The following GALNT17 variants were observed in gnomAD, a reference collection of about 807,000 sequenced individuals.
GALNT17 encodes the protein polypeptide N-acetylgalactosaminyltransferase 17.
GALNT17 carries 29 observed loss-of-function variants against 63.7 expected under a neutral mutation model. That is an observed-to-expected ratio of 0.46 (90% CI 0.34 to 0.62). GALNT17 has a LOEUF of 0.62. Ranked by LOEUF, GALNT17 falls within the 20% of genes least tolerant of loss-of-function variation. The probability of loss-of-function intolerance (pLI) is 0.01; values close to 1 mark genes in which losing one functional copy is unlikely to be tolerated. For missense variants in GALNT17, 603 were observed against 799.6 expected, an observed-to-expected ratio of 0.75 and a Z score of 2.97; for synonymous variants, 305 against 318.3, an observed-to-expected ratio of 0.96 and a Z score of 0.45.
At chr7:71,345,723 C>G (rs2116149675) in intron 2 of GALNT17, among the ~76,000 whole-genome samples, 1 of 152,234 alleles carries the variant, frequency 6.6e-6, no homozygotes, top group Middle Eastern at 3.4e-3. Context: ...TGGAGCAAAT[C>G]TACTCATGGC....
intron 1 of GALNT17, among the ~76,000 whole-genome samples, chr7:71,147,030 A>G (rs921111472): frequency 2.0e-5 from 3 of 152,152 alleles, no homozygotes; most frequent in Non-Finnish European, 2.9e-5. Context: ...CTGGTGAAAG[A>G]GCATGAATTT....
intron 9 of GALNT17, among the ~76,000 whole-genome samples, chr7:71,708,146 A>G (rs1390789942): frequency 6.6e-6 from 1 of 152,114 alleles, no homozygotes; most frequent in African/African-American, 2.4e-5. Context: ...TTTGTTTGCA[A>G]TTCTGATTAT....
At chr7:71,709,064 T>C (rs1791756755) in intron 9 of GALNT17, among the ~76,000 whole-genome samples, 1 of 152,242 alleles carries the variant, frequency 6.6e-6, no homozygotes, top group Non-Finnish European at 1.5e-5. Flanking sequence ...TCTTTTCCTT[T>C]GGGTAGATAC....
At chr7:71,161,909 G>A (rs17519859) in intron 1 of GALNT17, among the ~76,000 whole-genome samples, 71,238 of 151,596 alleles carry the variant, frequency 0.47, 18,266 homozygotes, top group African/African-American at 0.66. Flanking sequence ...AGATGATATT[G>A]GTCCCCCCAT....
chr7:71,642,742 C>T (rs147457996), intron 6 of GALNT17, among the ~76,000 whole-genome samples: 181 of 151,936 alleles, frequency 1.2e-3, no homozygotes, highest in African/African-American at 4.1e-3. Context: ...GGCTGAGACA[C>T]GAGAATCACT....
At chr7:71,495,396 T>C (rs1315599277) in intron 5 of GALNT17, among the ~76,000 whole-genome samples, 1 of 152,192 alleles carries the variant, frequency 6.6e-6, no homozygotes, top group Non-Finnish European at 1.5e-5. Flanking sequence ...CATAGCAGTT[T>C]TCTTTTTTGA....
intron 5 of GALNT17, among the ~76,000 whole-genome samples, chr7:71,446,942 C>T (rs1235223227): frequency 2.0e-5 from 3 of 152,228 alleles, no homozygotes; most frequent in Non-Finnish European, 2.9e-5. Flanking sequence ...GGCATTACTT[C>T]TTGACTTTGA....
At chr7:71,248,315 A>G (rs1790137222) in intron 1 of GALNT17, among the ~76,000 whole-genome samples, 1 of 152,154 alleles carries the variant, frequency 6.6e-6, no homozygotes, top group Admixed American at 6.5e-5. Flanking sequence ...CCCCCTCAAC[A>G]CGTGGGTATT....
At chr7:71,274,737 T>C (rs1017043) in intron 1 of GALNT17, among the ~76,000 whole-genome samples, 9,065 of 152,220 alleles carry the variant, frequency 0.06, 927 homozygotes, top group African/African-American at 0.21. Flanking sequence ...TACAACTCTG[T>C]GTTCTTGTGT....
intron 5 of GALNT17, among the ~76,000 whole-genome samples, chr7:71,548,397 C>T (rs1368723837): frequency 1.3e-5 from 2 of 152,144 alleles, no homozygotes; most frequent in South Asian, 4.1e-4. Flanking sequence ...AGGGGTTTGG[C>T]CTTGTGGCCA....
chr7:71,144,975 A>ACCCG (rs1787990212), intron 1 of GALNT17, among the ~76,000 whole-genome samples: 3 of 151,994 alleles, frequency 2.0e-5, no homozygotes, highest in Admixed American at 1.3e-4. Flanking sequence ...TGATTTGCCC[A>ACCCG]CCTTGGCCTC....
In GALNT17 at chr7:71,597,620, A is replaced by C. The variant is rs111999844; in HGVS notation, c.1080+26218A>C. 5.3e-3 allele frequency among the ~76,000 whole-genome samples: 805 copies of C among 152,320 alleles called. 6 individuals carry two copies. Among genetic ancestry groups the C allele is most frequent in the African/African-American group, 0.018 (745 of 41,562 alleles). On this transcript the variant is annotated intron_variant, in intron 6 of 10. Coordinates refer to ENST00000333538, the MANE Select transcript of GALNT17 (RefSeq NM_022479.3). ...TGTCAGAGAGGAAAGGCAGACAGGAAGGGCAGCTGGCCTAGAGGCGTTACA... is the reference window on the plus strand; with the variant it reads ...TGTCAGAGAGGAAAGGCAGACAGGACGGGCAGCTGGCCTAGAGGCGTTACA...
At chr7:71,568,956 A>G (rs1789393071) in intron 5 of GALNT17, among the ~76,000 whole-genome samples, 1 of 152,090 alleles carries the variant, frequency 6.6e-6, no homozygotes, top group Non-Finnish European at 1.5e-5. Context: ...GTCTCACATG[A>G]TTTATCAATT....
chr7:71,365,789 AT>A (rs1031792176), intron 2 of GALNT17, among the ~76,000 whole-genome samples: 4 of 151,570 alleles, frequency 2.6e-5, no homozygotes, highest in Admixed American at 2.6e-4. Context: ...ATGGAAGACA[AT>A]TTTTCTATGA....
chr7:71,234,867 G>C (rs1049241025), intron 1 of GALNT17, among the ~76,000 whole-genome samples: 1 of 152,166 alleles, frequency 6.6e-6, no homozygotes, highest in African/African-American at 2.4e-5. Context: ...GTGCCTTTTT[G>C]TACCTTGTCT....
chr7:71,481,836 C>T (rs1032597361), intron 5 of GALNT17, among the ~76,000 whole-genome samples: 2 of 152,006 alleles, frequency 1.3e-5, no homozygotes, highest in African/African-American at 4.8e-5. Flanking sequence ...CTCCTGGGCT[C>T]CAGCTTAAGT....
At chr7:71,137,042 A>T (rs1246367543) in intron 1 of GALNT17, among the ~76,000 whole-genome samples, 1 of 65,642 alleles carries the variant, frequency 1.5e-5, no homozygotes, top group Non-Finnish European at 3.0e-5. Flanking sequence ...TTCACCCCAC[A>T]CCCCACCTCA....
intron 5 of GALNT17, among the ~76,000 whole-genome samples, chr7:71,540,118 T>C (rs1788865386): frequency 8.8e-6 from 1 of 114,116 alleles, no homozygotes; most frequent in African/African-American, 3.4e-5. Context: ...TTTTTTTTTT[T>C]TTTTTTTTTT....
At position 71,571,410 on chromosome 7, in the gene GALNT17, A is replaced by G. The variant is rs1334747820; in HGVS notation, c.1080+8A>G. 1 of 1,609,480 alleles carries G rather than the reference A, an allele frequency of 6.2e-7. No individual in the cohort carries two copies. Among genetic ancestry groups the G allele is most frequent in the Non-Finnish European group, 8.5e-7 (1 of 1,176,054 alleles). The stretch of plus-strand genomic sequence containing the variant: ...ATTGAACTGGGAATCAAGGTTTGTG[A>G]CATGGTGTCCCTTCCTCTTGGTGTG... On this transcript the variant is annotated splice_region_variant and intron_variant, in intron 6 of 10. Transcript: ENST00000333538.
Sources: gnomAD v4.1 joint callset for allele counts (sites outside exome capture counted in the v4.1 genomes callset) on GRCh38, gnomAD v4.1.1 for gene constraint, MANE v1.5 for transcripts, NCBI Gene and HGNC (gene_info 2026-07-23, HGNC 2026-07-21) for gene names.